Variants in CCDC148 observed in about 807,000 individuals in gnomAD.
CCDC148 encodes coiled-coil domain-containing protein 148.
In CCDC148, 89 loss-of-function variants were observed where a neutral mutation model predicts 85.7. That is an observed-to-expected ratio of 1.04 (90% confidence interval 0.87 to 1.24). The LOEUF (loss-of-function observed/expected upper bound fraction) is 1.24, where lower values mean the gene tolerates loss of function less well. Among genes scored for constraint, CCDC148 ranks in the 50% most tolerant of loss-of-function variants. CCDC148 has a pLI of 0.00. For synonymous variants in CCDC148, 230 were observed against 213.9 expected (o/e 1.08, Z -0.66); for missense variants, 692 against 671.7 (o/e 1.03, Z -0.33).
intron 1 of CCDC148, among the ~76,000 whole-genome samples, chr2:158,361,812 T>C (rs112063764): frequency 6.6e-6 from 1 of 151,896 alleles, no homozygotes; most frequent in African/African-American, 2.4e-5. Flanking sequence ...AATTCACACA[T>C]AACAATACTA....
At chr2:158,322,056 A>T (rs1379609969) in intron 7 of CCDC148, among the ~76,000 whole-genome samples, 1 of 152,228 alleles carries the variant, frequency 6.6e-6, no homozygotes, top group East Asian at 1.9e-4. Flanking sequence ...TAATGAAAAC[A>T]TAAATTGTTT....
chr2:158,252,788 T>A (rs1241238045), intron 9 of CCDC148, among the ~76,000 whole-genome samples: 1 of 151,860 alleles, frequency 6.6e-6, no homozygotes, highest in African/African-American at 2.4e-5. Context: ...GAGTTCATTC[T>A]ATGTTTCTGA....
chr2:158,348,920 A>C (rs1038082074), intron 2 of CCDC148, among the ~76,000 whole-genome samples: 3 of 152,112 alleles, frequency 2.0e-5, no homozygotes, highest in Non-Finnish European at 2.9e-5. Flanking sequence ...TTTACAGTTA[A>C]AATACTGGGA....
At position 158,250,880 on chromosome 2, in the gene CCDC148, T is replaced by C. The variant is rs1559018208; in HGVS notation, c.1143A>G (p.Val381=). The change falls in exon 10 of 14, where the codon GTA becomes GTG. Residue 381 remains valine, a synonymous_variant. Coordinates refer to ENST00000283233, the MANE Select transcript of CCDC148 (RefSeq NM_138803.4). The part of the protein sequence containing the change: ...VRQWRAHQEE[V]ARLEMEISAR... ...CAGAAATTTCCATTTCCAGTCTTGCTACCTCTTCTTGGTGGGCTCGCCATT... is the reference window on the plus strand; with the variant it reads ...CAGAAATTTCCATTTCCAGTCTTGCCACCTCTTCTTGGTGGGCTCGCCATT... The C allele has an allele frequency of 6.2e-7, 1 of 1,607,404 alleles. No homozygotes were observed. Among genetic ancestry groups the C allele is most frequent in the Admixed American group, 1.7e-5 (1 of 59,546 alleles).
chr2:158,341,776 A>C (rs548053655), intron 3 of CCDC148, among the ~76,000 whole-genome samples: 60 of 152,078 alleles, frequency 3.9e-4, no homozygotes, highest in Non-Finnish European at 6.5e-4. Context: ...TATAATATAA[A>C]AAAGCAGCAA....
intron 1 of CCDC148, among the ~76,000 whole-genome samples, chr2:158,408,611 A>G (rs1196062719): frequency 6.6e-6 from 1 of 152,118 alleles, no homozygotes; most frequent in African/African-American, 2.4e-5. Flanking sequence ...ACACATACAC[A>G]GACACACATA....
chr2:158,456,635 G>A lies in CCDC148; in HGVS notation c.-196C>T. The A allele has an allele frequency of 1.5e-6, 1 of 678,896 alleles. No homozygotes were observed. Among genetic ancestry groups the A allele is most frequent in the South Asian group, 1.9e-5 (1 of 51,282 alleles). The allele number at this position is 678,896 out of a possible 1,614,324, so 42.1% of individuals were successfully genotyped here. A position where few individuals can be genotyped will look rare whatever the true frequency, so the allele number is the denominator to read the frequency against. ...AAGCCTGCCCCAGATTTCAGAGCCA[G>A]CGCTGGGGAATCTCCCTGTCCTCTC... On this transcript the variant is annotated 5_prime_UTR_variant, in exon 1 of 14. Coordinates refer to ENST00000283233, the MANE Select transcript of CCDC148 (RefSeq NM_138803.4).
intron 1 of CCDC148, among the ~76,000 whole-genome samples, chr2:158,424,534 A>C (rs1369373876): frequency 6.7e-6 from 1 of 150,260 alleles, no homozygotes; most frequent in Non-Finnish European, 1.5e-5. Context: ...ACTTGGACAC[A>C]GGGTGGGGAA....
intron 1 of CCDC148, among the ~76,000 whole-genome samples, chr2:158,425,685 G>A (rs1050976396): frequency 6.6e-6 from 1 of 152,112 alleles, no homozygotes; most frequent in African/African-American, 2.4e-5. Flanking sequence ...TTGATCCATA[G>A]GGAGAAACTG....
intron 2 of CCDC148, among the ~76,000 whole-genome samples, chr2:158,346,810 C>T (rs1470395113): frequency 6.6e-6 from 1 of 152,130 alleles, no homozygotes; most frequent in African/African-American, 2.4e-5. Flanking sequence ...CTTTATAATG[C>T]ATGCTATTTC....
At chr2:158,333,301 G>A (rs188667697) in intron 7 of CCDC148, among the ~76,000 whole-genome samples, 3 of 152,176 alleles carry the variant, frequency 2.0e-5, no homozygotes, top group African/African-American at 7.2e-5. Flanking sequence ...TCAGGAGCAG[G>A]TTGTTCAGTT....
At chr2:158,379,950 T>A (rs1684804318) in intron 1 of CCDC148, among the ~76,000 whole-genome samples, 1 of 152,096 alleles carries the variant, frequency 6.6e-6, no homozygotes, top group South Asian at 2.1e-4. Flanking sequence ...GGTACACCTG[T>A]ACCAAAATTC....
chr2:158,316,062 T>C (rs183830093), intron 7 of CCDC148, among the ~76,000 whole-genome samples: 2 of 152,316 alleles, frequency 1.3e-5, no homozygotes, highest in East Asian at 1.9e-4. Flanking sequence ...TTTGTTTCAA[T>C]AGAACCTACC....
At chr2:158,361,386 G>C (rs1683939240) in intron 1 of CCDC148, among the ~76,000 whole-genome samples, 1 of 151,944 alleles carries the variant, frequency 6.6e-6, no homozygotes, top group Admixed American at 6.6e-5. Flanking sequence ...GATTCACCAA[G>C]GTAGAAATGA....
chr2:158,406,944 G>A (rs1283547305), intron 1 of CCDC148, among the ~76,000 whole-genome samples: 1 of 151,932 alleles, frequency 6.6e-6, no homozygotes, highest in Non-Finnish European at 1.5e-5. Context: ...ATTTCCACAA[G>A]ATAATTAATT....
rs141509257 is a variant in CCDC148 at position 158,321,279 on chromosome 2, C to T, written c.765-7385G>A. Among the ~76,000 whole-genome samples the T allele has an allele frequency of 2.3e-3, 353 of 152,108 alleles. 1 individual carries two copies. Among genetic ancestry groups the T allele is most frequent in the African/African-American group, 8.0e-3 (333 of 41,506 alleles). On this transcript the variant is annotated intron_variant, in intron 7 of 13. Transcript: ENST00000283233. The stretch of plus-strand genomic sequence containing the variant: ...TAAAATCATGGTCCACACTATTACC[C>T]ACTCCTTCCAAAAATATAAACCCCA...
chr2:158,406,814 G>T (rs1686046665), intron 1 of CCDC148, among the ~76,000 whole-genome samples: 1 of 151,404 alleles, frequency 6.6e-6, no homozygotes, highest in Non-Finnish European at 1.5e-5. Context: ...GTAGAGACAG[G>T]GTTTTGCCAT....
At chr2:158,308,729 G>A (rs938967434) in intron 9 of CCDC148, among the ~76,000 whole-genome samples, 3 of 152,122 alleles carry the variant, frequency 2.0e-5, no homozygotes, top group Non-Finnish European at 2.9e-5. Flanking sequence ...TCCACATCAG[G>A]CCTCCAGGAC....
intron 1 of CCDC148, among the ~76,000 whole-genome samples, chr2:158,382,412 T>A (rs967121222): frequency 1.3e-5 from 2 of 152,184 alleles, no homozygotes; most frequent in African/African-American, 4.8e-5. Flanking sequence ...TGCCGACTTA[T>A]GTCTAGAAAA....
Sources: allele counts gnomAD v4.1 joint callset (sites outside exome capture counted in the v4.1 genomes callset), GRCh38; gene constraint gnomAD v4.1.1; transcripts MANE v1.5; gene names NCBI Gene and HGNC (gene_info 2026-07-23, HGNC 2026-07-21).